The following WDR7 variants were observed in gnomAD, a reference collection of about 807,000 sequenced individuals.
WDR7 encodes the protein WD repeat-containing protein 7.
WDR7 carries 46 observed loss-of-function variants against 169.4 expected under a neutral mutation model. That is an observed-to-expected ratio of 0.27 (90% CI 0.21 to 0.35). WDR7 has a LOEUF of 0.35. Ranked by LOEUF, WDR7 falls within the 10% of genes least tolerant of loss-of-function variation. The pLI, the probability that WDR7 is intolerant of heterozygous loss-of-function variation, is 1.00. For synonymous variants in WDR7, 612 were observed against 666.8 expected (o/e 0.92, Z 1.27); for missense variants, 1,534 against 1,859.3 (o/e 0.83, Z 3.22).
At chr18:56,888,449 C>A (rs1309162288) in intron 21 of WDR7, among the ~76,000 whole-genome samples, 1 of 152,136 alleles carries the variant, frequency 6.6e-6, no homozygotes, top group African/African-American at 2.4e-5. Flanking sequence ...TTCTTTTGGT[C>A]CAAATAGTCT....
intron 13 of WDR7, among the ~76,000 whole-genome samples, chr18:56,727,996 A>G (rs1486987765): frequency 6.6e-6 from 1 of 152,210 alleles, no homozygotes; most frequent in African/African-American, 2.4e-5. Context: ...CCTTCACCTT[A>G]AAGACTGAAA....
chr18:57,002,348 C>T (rs1400930639), intron 26 of WDR7, among the ~76,000 whole-genome samples: 1 of 152,010 alleles, frequency 6.6e-6, no homozygotes, highest in South Asian at 2.1e-4. Flanking sequence ...AAATGGATAC[C>T]TATTTTTGCA....
intron 20 of WDR7, among the ~76,000 whole-genome samples, chr18:56,840,808 G>A (rs1187217178): frequency 3.3e-5 from 5 of 150,638 alleles, no homozygotes; most frequent in African/African-American, 1.2e-4. Context: ...GATAGAGTGA[G>A]ATCTTGTCTC....
chr18:56,923,977 C>G lies in WDR7; in HGVS notation c.3582C>G (p.His1194Gln). 1 of 1,609,856 alleles carries G rather than the reference C, an allele frequency of 6.2e-7. No homozygotes were observed. Among genetic ancestry groups the G allele is most frequent in the South Asian group, 1.1e-5 (1 of 89,776 alleles). The change falls in exon 22 of 28, where the codon CAC becomes CAG. Residue 1194 changes from histidine to glutamine, a missense_variant. Transcript: ENST00000254442. ...CTCCAAGCCCCAAACTTCCTCCACA[C>G]AGCACTATCCGAAGAACAGCCATTG... is the stretch of plus-strand genomic sequence containing the variant. ...LQPPSPKLPPHSTIRRTAIDL... is the reference protein window; with the variant it reads ...LQPPSPKLPPQSTIRRTAIDL...
chr18:57,000,085 A>G (rs2047954472), intron 26 of WDR7, among the ~76,000 whole-genome samples: 1 of 152,210 alleles, frequency 6.6e-6, no homozygotes, highest in Non-Finnish European at 1.5e-5. Context: ...AAGTATCCAA[A>G]TATTTTTAGT....
At chr18:57,017,937 G>T (rs2048230293) in intron 26 of WDR7, among the ~76,000 whole-genome samples, 1 of 152,162 alleles carries the variant, frequency 6.6e-6, no homozygotes, top group Admixed American at 6.5e-5. Context: ...GACAAAAAAT[G>T]GAATATTTAG....
intron 25 of WDR7, among the ~76,000 whole-genome samples, chr18:56,951,037 G>C (rs2047173335): frequency 6.6e-6 from 1 of 152,034 alleles, no homozygotes; most frequent in Admixed American, 6.6e-5. Context: ...AACTTTTGTT[G>C]TTGCTATTTC....
chr18:56,673,160 GAC>G lies in WDR7; in HGVS notation c.159+511_159+512del, dbSNP rs36051303. Among the ~76,000 whole-genome samples the G allele has an allele frequency of 4.4e-4, 64 of 146,938 alleles. 1 individual carries two copies. The highest frequency in any genetic ancestry group is 1.8e-3 in the South Asian group (8 of 4,552). ...CAGAGCTAGGGAAATAGGAGCTGGG[GAC>G]ACACACACACACACACACACACACG... is the stretch of plus-strand genomic sequence containing the variant. On this transcript the variant is annotated intron_variant, in intron 2 of 27. Coordinates refer to ENST00000254442, the MANE Select transcript of WDR7 (RefSeq NM_015285.3).
intron 12 of WDR7, among the ~76,000 whole-genome samples, chr18:56,700,448 G>A (rs2025803007): frequency 6.6e-6 from 1 of 151,026 alleles, no homozygotes; most frequent in African/African-American, 2.4e-5. Context: ...GTAGAGACAG[G>A]GTTTCACCAT....
At chr18:56,988,516 G>A (rs1447421530) in intron 26 of WDR7, among the ~76,000 whole-genome samples, 1 of 151,526 alleles carries the variant, frequency 6.6e-6, no homozygotes, top group Admixed American at 6.6e-5. Context: ...GAACATGCAA[G>A]TACATCTTTG....
intron 1 of WDR7, among the ~76,000 whole-genome samples, chr18:56,666,248 G>C (rs939508107): frequency 5.0e-5 from 6 of 119,542 alleles, no homozygotes; most frequent in African/African-American, 1.9e-4. Context: ...TTGTTGCCCA[G>C]GCTGGAGTGC....
At chr18:57,030,187 C>T (rs2048430745), downstream of WDR7, 2 of 152,128 alleles carry the variant, frequency 1.3e-5, no homozygotes, top group South Asian at 4.1e-4. Context: ...ATTTGAATCC[C>T]TCAGGTAAAG....
intron 20 of WDR7, among the ~76,000 whole-genome samples, chr18:56,832,705 G>A (rs1047090854): frequency 3.9e-5 from 6 of 152,194 alleles, no homozygotes; most frequent in African/African-American, 1.4e-4. Flanking sequence ...AACAGGGTCT[G>A]GAGTGGACCT....
chr18:56,823,884 A>G (rs1040301699), intron 20 of WDR7, among the ~76,000 whole-genome samples: 1 of 151,978 alleles, frequency 6.6e-6, no homozygotes. Context: ...TTATCGTTGC[A>G]TTTTCCTGCA....
chr18:56,940,564 T>C (rs1599176256), intron 25 of WDR7, among the ~76,000 whole-genome samples: 1 of 152,346 alleles, frequency 6.6e-6, no homozygotes, highest in East Asian at 1.9e-4. Context: ...GTTTGGTTTA[T>C]GGTCTTCTTC....
intron 3 of WDR7, among the ~76,000 whole-genome samples, chr18:56,680,917 T>C (rs1468184742): frequency 6.6e-6 from 1 of 152,268 alleles, no homozygotes; most frequent in African/African-American, 2.4e-5. Context: ...TTGAGGCCTC[T>C]ACTCTGCTTC....
chr18:56,829,030 A>C (rs2045262706), intron 20 of WDR7, among the ~76,000 whole-genome samples: 1 of 151,334 alleles, frequency 6.6e-6, no homozygotes, highest in Non-Finnish European at 1.5e-5. Context: ...CATGCTGCTC[A>C]GGGCTGAGCA....
chr18:56,942,823 A>T (rs1232969223), intron 25 of WDR7, among the ~76,000 whole-genome samples: 1 of 152,242 alleles, frequency 6.6e-6, no homozygotes, highest in Non-Finnish European at 1.5e-5. Flanking sequence ...CTTCTACCAG[A>T]ACATAGTTGA....
intron 1 of WDR7, among the ~76,000 whole-genome samples, chr18:56,655,193 G>A (rs1010622323): frequency 6.6e-6 from 1 of 152,162 alleles, no homozygotes; most frequent in Non-Finnish European, 1.5e-5. Flanking sequence ...CTTCACCCAA[G>A]GAACTTCCCT....
Sources: allele counts gnomAD v4.1 joint callset (sites outside exome capture counted in the v4.1 genomes callset), GRCh38; gene constraint gnomAD v4.1.1; transcripts MANE v1.5; gene names NCBI Gene and HGNC (gene_info 2026-07-23, HGNC 2026-07-21).